Variants in MALRD1 observed in about 807,000 individuals in gnomAD.
The protein encoded by MALRD1 is MAM and LDL receptor class A domain containing 1, also known as MAM and LDL-receptor class A domain-containing protein 1.
MALRD1 carries 247 observed loss-of-function variants against 242.1 expected under a neutral mutation model. The ratio of observed to expected loss-of-function variants is 1.02; its 90% CI spans 0.92 to 1.13. The LOEUF is 1.13. MALRD1 is among the 50% of genes most tolerant of loss of function. MALRD1 has a pLI of 0.00. For missense variants in MALRD1, 2,989 were observed against 2,533.1 expected (o/e 1.18, Z -3.86); for synonymous variants, 995 against 866.6 (o/e 1.15, Z -2.60).
intron 38 of MALRD1, among the ~76,000 whole-genome samples, chr10:19,714,573 C>T (rs776426746): frequency 4.6e-5 from 7 of 152,154 alleles, no homozygotes; most frequent in Non-Finnish European, 7.4e-5. Flanking sequence ...TCCTCACCTA[C>T]GTCCGTGGGC....
intron 18 of MALRD1, among the ~76,000 whole-genome samples, chr10:19,219,492 A>G (rs1837467882): frequency 6.6e-6 from 1 of 152,004 alleles, no homozygotes; most frequent in South Asian, 2.1e-4. Flanking sequence ...ACTGGAGTTC[A>G]GCGCCATGTT....
intron 21 of MALRD1, among the ~76,000 whole-genome samples, chr10:19,303,346 C>G (rs377660814): frequency 4.0e-5 from 6 of 151,546 alleles, no homozygotes; most frequent in African/African-American, 1.4e-4. Flanking sequence ...TACGATAGTA[C>G]CAAGTTTGGG....
At chr10:19,693,531 C>T (rs1310018711) in intron 38 of MALRD1, among the ~76,000 whole-genome samples, 3 of 152,058 alleles carry the variant, frequency 2.0e-5, no homozygotes, top group Non-Finnish European at 4.4e-5. Flanking sequence ...ATGTGAAGGA[C>T]CTCTTCAAAG....
At chr10:19,490,635 A>G (rs1314346449) in intron 29 of MALRD1, among the ~76,000 whole-genome samples, 1 of 152,134 alleles carries the variant, frequency 6.6e-6, no homozygotes, top group Non-Finnish European at 1.5e-5. Context: ...CAGTGCAGAA[A>G]AATTGGCTTA....
chr10:19,393,847 AT>A (rs1430314057), intron 28 of MALRD1, among the ~76,000 whole-genome samples: 2 of 151,934 alleles, frequency 1.3e-5, no homozygotes, highest in African/African-American at 4.8e-5. Flanking sequence ...GTTTTCCACA[AT>A]TTGTTTTCAT....
intron 5 of MALRD1, among the ~76,000 whole-genome samples, chr10:19,112,801 TTTG>T (rs1316323903): frequency 1.3e-5 from 2 of 152,196 alleles, no homozygotes; most frequent in African/African-American, 2.4e-5. Flanking sequence ...AGCAAATATA[TTTG>T]CTACAGAAAC....
intron 29 of MALRD1, among the ~76,000 whole-genome samples, chr10:19,484,148 G>A (rs1181895346): frequency 6.6e-6 from 1 of 152,182 alleles, no homozygotes; most frequent in East Asian, 1.9e-4. Flanking sequence ...GGAGGGCAAA[G>A]ATTGACATGC....
chr10:19,237,909 T>TTATATATAATTATGAATAATTTTATAC (rs1838449089), intron 18 of MALRD1, among the ~76,000 whole-genome samples: 15 of 71,508 alleles, frequency 2.1e-4, no homozygotes, highest in South Asian at 9.4e-4. Flanking sequence ...TAATTTTATA[T>TTATATATAATTATGAATAATTTTATAC]AGTTATATAT....
At chr10:19,484,461 G>A (rs1564380802) in intron 29 of MALRD1, among the ~76,000 whole-genome samples, 1 of 152,008 alleles carries the variant, frequency 6.6e-6, no homozygotes, top group Non-Finnish European at 1.5e-5. Context: ...TATGCAATTA[G>A]CATAAAGCTC....
chr10:19,539,079 A>G (rs1834812609), intron 32 of MALRD1, among the ~76,000 whole-genome samples: 1 of 152,200 alleles, frequency 6.6e-6, no homozygotes, highest in Admixed American at 6.6e-5. Flanking sequence ...AAGATAGTAA[A>G]AGCAGAGAAA....
chr10:19,622,114 G>A (rs1398620780), intron 36 of MALRD1, among the ~76,000 whole-genome samples: 1 of 151,352 alleles, frequency 6.6e-6, no homozygotes, highest in African/African-American at 2.4e-5. Flanking sequence ...AACAAAGCAA[G>A]TATAACCACT....
At chr10:19,526,427 A>T (rs926151330) in intron 31 of MALRD1, among the ~76,000 whole-genome samples, 38 of 151,930 alleles carry the variant, frequency 2.5e-4, no homozygotes, top group African/African-American at 8.4e-4. Context: ...TCAAACTTAG[A>T]TATGCTAGAG....
intron 21 of MALRD1, among the ~76,000 whole-genome samples, chr10:19,306,734 G>A (rs891209173): frequency 6.6e-6 from 1 of 151,302 alleles, no homozygotes; most frequent in Admixed American, 6.6e-5. Context: ...TGGCTTGAGA[G>A]GCCTCAGGAA....
intron 38 of MALRD1, among the ~76,000 whole-genome samples, chr10:19,713,057 T>C (rs962366599): frequency 9.2e-5 from 14 of 152,116 alleles, no homozygotes; most frequent in African/African-American, 3.4e-4. Flanking sequence ...GGGGGGTTCC[T>C]CTTTCAGCTT....
intron 11 of MALRD1, among the ~76,000 whole-genome samples, chr10:19,148,661 A>G (rs1833808762): frequency 1.3e-5 from 2 of 151,594 alleles, no homozygotes; most frequent in Admixed American, 6.6e-5. Context: ...TTTTCCGGTG[A>G]GATGAAGAAT....
intron 32 of MALRD1, among the ~76,000 whole-genome samples, chr10:19,554,813 G>A (rs7084658): frequency 0.08 from 12,194 of 152,024 alleles, 1,417 homozygotes; most frequent in African/African-American, 0.26. Flanking sequence ...ACCATTGACG[G>A]GCATTTGGGT....
chr10:19,574,556 C>A (rs1453265082), intron 33 of MALRD1, among the ~76,000 whole-genome samples: 5 of 152,138 alleles, frequency 3.3e-5, no homozygotes, highest in Admixed American at 2.0e-4. Context: ...CTAGCAGGCT[C>A]TGTGTGGTGT....
intron 38 of MALRD1, among the ~76,000 whole-genome samples, chr10:19,694,929 G>A (rs1266538809): frequency 2.0e-5 from 3 of 152,132 alleles, no homozygotes; most frequent in Non-Finnish European, 4.4e-5. Context: ...GCAGGGACAT[G>A]GATGAAGCTG....
intron 28 of MALRD1, among the ~76,000 whole-genome samples, chr10:19,407,561 T>C (rs551391681): frequency 6.6e-6 from 1 of 152,110 alleles, no homozygotes; most frequent in East Asian, 1.9e-4. Context: ...AAGACATACA[T>C]AGGTATCACA....
Sources: allele counts gnomAD v4.1 joint callset (sites outside exome capture counted in the v4.1 genomes callset), GRCh38; gene constraint gnomAD v4.1.1; transcripts MANE v1.5; gene names NCBI Gene and HGNC (gene_info 2026-07-23, HGNC 2026-07-21).